The following PRMT1 variants were observed in gnomAD, a reference collection of about 807,000 sequenced individuals.
PRMT1 encodes the protein protein arginine N-methyltransferase 1.
A neutral mutation model predicts 47.4 loss-of-function variants in PRMT1; 5 were observed. That is an observed-to-expected ratio of 0.11 (90% CI 0.06 to 0.22). The LOEUF is 0.22. Among genes scored for constraint, PRMT1 ranks in the 10% least tolerant of loss-of-function variants. The pLI is 1.00. For missense variants in PRMT1, 249 were observed against 518.4 expected (o/e 0.48, Z 5.05); for synonymous variants, 227 against 204.6 (o/e 1.11, Z -0.94).
Position 49,685,450 on chromosome 19 carries a change from C to T in PRMT1, c.759+413C>T. On this transcript the variant is annotated intron_variant, in intron 8 of 10. Coordinates refer to ENST00000454376, the MANE Select transcript of PRMT1 (RefSeq NM_001536.6). The surrounding 1 kb of genome is among the most constrained non-coding windows in gnomAD (Gnocchi z 4.7). Reference sequence around the variant, plus strand: ...ACTTGGGCCTGGGAGTTCAAGGCTGCAGTGAGCTGTGATCACATCACTGCA... The same window carrying T: ...ACTTGGGCCTGGGAGTTCAAGGCTGTAGTGAGCTGTGATCACATCACTGCA... 8.6e-7 allele frequency: 1 copy of T among 1,162,406 alleles called. No individual in the cohort carries two copies. Among genetic ancestry groups the T allele is most frequent in the South Asian group, 1.9e-5 (1 of 53,510 alleles). 72.0% of individuals were successfully genotyped at this position (1,162,406 alleles called of 1,614,324 possible). A position where few individuals can be genotyped will look rare whatever the true frequency, so the allele number is the denominator to read the frequency against.
Position 49,685,917 on chromosome 19 carries a change from G to C in PRMT1, c.760-176G>C. 7.0e-7 allele frequency: 1 copy of C among 1,427,610 alleles called. No homozygotes were observed. The highest frequency in any genetic ancestry group is 1.4e-5 in the African/African-American group (1 of 69,606). 88.4% of individuals were successfully genotyped at this position (1,427,610 alleles called of 1,614,324 possible). A position where few individuals can be genotyped will look rare whatever the true frequency, so the allele number is the denominator to read the frequency against. The stretch of plus-strand genomic sequence containing the variant: ...TGGGCTCGAACCCACATGGTTTATT[G>C]GGAGCCGGATAGGCAGGATGCAGAG... On this transcript the variant is annotated intron_variant, in intron 8 of 10. Transcript: ENST00000454376. The surrounding 1 kb of genome is among the most constrained non-coding windows in gnomAD (Gnocchi z 4.7).
intron 5 of PRMT1, chr19:49,683,675 A>C (rs571656068): frequency 1.3e-5 from 5 of 399,022 alleles, no homozygotes; most frequent in African/African-American, 6.8e-5. Flanking sequence ...GTGACAGAGC[A>C]AGACTCCGTC....
intron 9 of PRMT1, 39 bp from the exon 10 acceptor site, chr19:49,686,566 G>GGGGGGGGGGCC: frequency 7.6e-7 from 1 of 1,315,630 alleles, no homozygotes; most frequent in Non-Finnish European, 1.1e-6. Context: ...GTTGGGGGGG[G>GGGGGGGGGGCC]CAGCAGGCCG....
intron 8 of PRMT1, 51 bp from the exon 9 acceptor site, chr19:49,686,042 A>G (rs767665732): frequency 1.3e-6 from 2 of 1,578,152 alleles, no homozygotes; most frequent in Non-Finnish European, 8.6e-7. Flanking sequence ...GGAGGAGGGG[A>G]TGAAGCGAGG....
chr19:49,677,759 G>A (rs567764349), intron 1 of PRMT1, among the ~76,000 whole-genome samples: 3 of 152,086 alleles, frequency 2.0e-5, no homozygotes, highest in Non-Finnish European at 4.4e-5. Flanking sequence ...GGCACACGCC[G>A]TGGGGTGTGA....
chr19:49,680,645 G>T lies in PRMT1; in HGVS notation c.192+57G>T. 1 of 1,400,780 alleles carries T rather than the reference G, an allele frequency of 7.1e-7. No homozygotes were observed. The highest frequency in any genetic ancestry group is 1.7e-5 in the Admixed American group (1 of 59,598). 86.8% of individuals were successfully genotyped at this position (1,400,780 alleles called of 1,614,324 possible). ...TTAGGGGGGCTTAAATGTTGGGGAA[G>T]GGGTGGAACCTGTTTTCCCACGCAT... On this transcript the variant is annotated intron_variant, in intron 3 of 10. Transcript: ENST00000454376. The surrounding 1 kb of genome is among the most constrained non-coding windows in gnomAD (Gnocchi z 4.2).
rs565085196 is a variant in PRMT1 at position 49,685,307 on chromosome 19, G to A, written c.759+270G>A. ...CAGCTAAAGCCCACAGCCCATGCAC[G>A]GAAAGGCAGGACCCCAGGGCGATGA... On this transcript the variant is annotated intron_variant, in intron 8 of 10. Coordinates refer to ENST00000454376, the MANE Select transcript of PRMT1 (RefSeq NM_001536.6). This position sits in a 1 kb window ranked among gnomAD's most constrained non-coding sequence, Gnocchi z 4.7. 6.7e-5 allele frequency: 93 copies of A among 1,380,836 alleles called. No individual in the cohort carries two copies. The highest frequency in any genetic ancestry group is 1.5e-4 in the South Asian group (10 of 68,208). 85.5% of individuals were successfully genotyped at this position (1,380,836 alleles called of 1,614,324 possible).
Position 49,686,087 on chromosome 19 carries a change from C to G in PRMT1, c.760-6C>G, listed in dbSNP as rs1349541828. On this transcript the variant is annotated splice_region_variant and splice_polypyrimidine_tract_variant and intron_variant, in intron 8 of 10. Coordinates refer to ENST00000454376, the MANE Select transcript of PRMT1 (RefSeq NM_001536.6). ...ATCCCGGAGCTCGCCCTCTCATGTC[C>G]TGCAGGAGGTGGACATCTATACCGT... 6.2e-7 allele frequency: 1 copy of G among 1,612,312 alleles called. No individual in the cohort carries two copies. The highest frequency in any genetic ancestry group is 1.7e-5 in the Admixed American group (1 of 59,830).
chr19:49,687,694 G>A (rs752874680), intron 10 of PRMT1, among the ~76,000 whole-genome samples: 7 of 152,106 alleles, frequency 4.6e-5, no homozygotes, highest in African/African-American at 1.4e-4. Context: ...GCTGGGAAAC[G>A]GATACTGGAG....
In PRMT1 at chr19:49,684,910, C is replaced by T. The variant is rs768678985; in HGVS notation, c.644-12C>T. ...TGCTGCGGGCTCACCCCCTCCCTGCCTGCCTCCCCAGGGTGGGAGAACGTG... is the reference window on the plus strand; with the variant it reads ...TGCTGCGGGCTCACCCCCTCCCTGCTTGCCTCCCCAGGGTGGGAGAACGTG... On this transcript the variant is annotated splice_polypyrimidine_tract_variant and intron_variant, in intron 7 of 10. Coordinates refer to ENST00000454376, the MANE Select transcript of PRMT1 (RefSeq NM_001536.6). The surrounding 1 kb of genome is among the most constrained non-coding windows in gnomAD (Gnocchi z 6.2). 9 of 1,603,736 alleles carry T rather than the reference C, an allele frequency of 5.6e-6. No individual in the cohort carries two copies. Among genetic ancestry groups the T allele is most frequent in the Non-Finnish European group, 7.7e-6 (9 of 1,173,216 alleles).
intron 9 of PRMT1, 102 bp downstream of exon 9, chr19:49,686,345 G>A: frequency 7.0e-7 from 1 of 1,428,726 alleles, no homozygotes; most frequent in Non-Finnish European, 9.4e-7. Context: ...GAACCATGGG[G>A]ACACGCGTGT....
Position 49,686,672 on chromosome 19 carries a change from G to A in PRMT1, c.978G>A (p.Lys326=). 6.2e-7 allele frequency: 1 copy of A among 1,612,818 alleles called. No individual in the cohort carries two copies. Residue 326 remains lysine, a synonymous_variant, in exon 10 of 11, where the codon AAG becomes AAA. Transcript: ENST00000454376. ...VFYMEDYLTV[K]TGEEIFGTIG... ...ACATGGAGGACTACCTGACCGTGAA[G>A]ACGGGCGAGGAGATCTTCGGCACCA...
At chr19:49,677,041 G>C (rs1231658874), upstream of PRMT1, 3 of 397,144 alleles carry the variant, frequency 7.6e-6, no homozygotes, top group Non-Finnish European at 1.3e-5. Context: ...CCCCATCCCG[G>C]GTCGACTTGA....
chr19:49,678,662 G>C (rs1308348253), intron 1 of PRMT1, among the ~76,000 whole-genome samples: 1 of 152,070 alleles, frequency 6.6e-6, no homozygotes. Context: ...CTTACCTATG[G>C]CATTGGCTGG....
chr19:49,682,526 A>G (rs2082134204), intron 5 of PRMT1, among the ~76,000 whole-genome samples: 1 of 152,234 alleles, frequency 6.6e-6, no homozygotes, highest in Admixed American at 6.5e-5. Context: ...GCCCACAGTG[A>G]GAAGCCTTCC....
chr19:49,677,088 C>T (rs938260211), upstream of PRMT1: 17 of 456,782 alleles, frequency 3.7e-5, no homozygotes, highest in Admixed American at 2.2e-4. Flanking sequence ...TGGCAAACCC[C>T]TGACCTATGA....
chr19:49,683,853 T>C, intron 5 of PRMT1, 74 bp from the exon 6 acceptor site: 1 of 1,543,358 alleles, frequency 6.5e-7, no homozygotes, highest in Non-Finnish European at 8.8e-7. Context: ...GTCCCCAGGC[T>C]CTAGCCCCCG....
intron 1 of PRMT1, among the ~76,000 whole-genome samples, chr19:49,679,378 AT>A (rs377236523): frequency 1.6e-3 from 239 of 152,288 alleles, no homozygotes; most frequent in Admixed American, 4.3e-3. Context: ...CCACACCTCT[AT>A]TCTGGAATCC....
At chr19:49,687,366 G>A (rs1054508142) in intron 10 of PRMT1, among the ~76,000 whole-genome samples, 1 of 152,020 alleles carries the variant, frequency 6.6e-6, no homozygotes. Flanking sequence ...CGCCGGGAGT[G>A]GTCTGGGTTG....
Sources: allele counts gnomAD v4.1 joint callset (sites outside exome capture counted in the v4.1 genomes callset), GRCh38; gene constraint gnomAD v4.1.1; non-coding constraint Gnocchi (gnomAD v3.1); transcripts MANE v1.5; gene names NCBI Gene and HGNC (gene_info 2026-07-23, HGNC 2026-07-21).